The following KAT2B variants were observed in gnomAD, a reference collection of about 807,000 sequenced individuals.
KAT2B encodes the protein lysine acetyltransferase 2B, also known as histone acetyltransferase KAT2B.
Under a neutral mutation model 105.9 loss-of-function variants are expected in KAT2B, and 36 were observed. The ratio of observed to expected loss-of-function variants is 0.34; its 90% CI spans 0.26 to 0.45. KAT2B has a LOEUF of 0.45. KAT2B is among the 20% of genes least tolerant of loss of function. The pLI is 1.00. For missense variants in KAT2B, 820 were observed against 1,021.6 expected, an observed-to-expected ratio of 0.80 and a Z score of 2.69; for synonymous variants, 397 against 377.9, an observed-to-expected ratio of 1.05 and a Z score of -0.59.
At chr3:20,058,430 G>A (rs1027798879) in intron 1 of KAT2B, among the ~76,000 whole-genome samples, 8 of 146,736 alleles carry the variant, frequency 5.5e-5, no homozygotes, top group African/African-American at 2.0e-4. Flanking sequence ...ACCGTAGCCT[G>A]GGCAACGAGC....
chr3:20,097,239 T>A (rs1261566081), intron 3 of KAT2B, among the ~76,000 whole-genome samples: 1 of 152,212 alleles, frequency 6.6e-6, no homozygotes, highest in African/African-American at 2.4e-5. Flanking sequence ...CTGTTGGAAG[T>A]GAAGGTGGTG....
At chr3:20,132,397 A>G (rs1239458436) in intron 11 of KAT2B, among the ~76,000 whole-genome samples, 1 of 152,202 alleles carries the variant, frequency 6.6e-6, no homozygotes, top group Non-Finnish European at 1.5e-5. Context: ...ATTGAATTTG[A>G]TATTATATAC....
At position 20,096,949 on chromosome 3, in the gene KAT2B, A is replaced by AAGAG. The variant is rs3062235; in HGVS notation, c.576+1561_576+1564dup. ...ATTAACTTTAAAAAGAATAATAGGA[A>AAGAG]AGAGAGAGAGAGAGAGAGAGAGAAA... is the stretch of plus-strand genomic sequence containing the variant. On this transcript the variant is annotated intron_variant, in intron 3 of 17. Transcript: ENST00000263754. Among the ~76,000 whole-genome samples, 1,498 of 150,280 alleles carry AAGAG rather than the reference A, an allele frequency of 1.0e-2. 15 individuals are homozygous for AAGAG. Among genetic ancestry groups the AAGAG allele is most frequent in the Non-Finnish European group, 0.016 (1,078 of 67,628 alleles).
intron 14 of KAT2B, among the ~76,000 whole-genome samples, chr3:20,146,940 A>G (rs1487543612): frequency 6.6e-6 from 1 of 152,114 alleles, no homozygotes; most frequent in Non-Finnish European, 1.5e-5. Context: ...AAAAAATACT[A>G]TTTGTTATGT....
rs115526092 is a variant in KAT2B, at chr3:20,061,539, T to G, written c.304-10794T>G. 3.8e-3 allele frequency among the ~76,000 whole-genome samples: 579 copies of G among 152,080 alleles called. 5 individuals carry two copies. The highest frequency in any genetic ancestry group is 0.013 in the African/African-American group (555 of 41,506). Reference sequence around the variant, plus strand: ...ATATAGTAATTCCATTTCTAATATTTTGAGGAACTGTCATACTGTTTTCCA... The same window carrying G: ...ATATAGTAATTCCATTTCTAATATTGTGAGGAACTGTCATACTGTTTTCCA... On this transcript the variant is annotated intron_variant, in intron 1 of 17. Coordinates refer to ENST00000263754, the MANE Select transcript of KAT2B (RefSeq NM_003884.5).
intron 15 of KAT2B, 75 bp downstream of exon 15, chr3:20,148,074 G>A (rs1699808672): frequency 3.4e-6 from 5 of 1,486,932 alleles, no homozygotes; most frequent in African/African-American, 2.8e-5. Context: ...AAAGAAAAAC[G>A]GCAAACTAAT....
chr3:20,126,474 A>G (rs972088688), intron 10 of KAT2B, among the ~76,000 whole-genome samples: 5 of 151,948 alleles, frequency 3.3e-5, no homozygotes, highest in Admixed American at 3.3e-4. Flanking sequence ...GTCTGTGGGC[A>G]ATTATTGGGA....
Position 20,137,015 on chromosome 3 carries a change from A to C in KAT2B, c.1823A>C (p.Tyr608Ser). ...IKHDILNFLT[Y>S]ADEYAIGYFK... ...CATGACATCCTGAACTTCCTCACATATGCAGATGAATATGCAATTGGATAC... is the reference window on the plus strand; with the variant it reads ...CATGACATCCTGAACTTCCTCACATCTGCAGATGAATATGCAATTGGATAC... The change falls in exon 12 of 18, where the codon TAT becomes TCT. Residue 608 changes from tyrosine to serine, a missense_variant. Tyr to Ser is a moderately radical substitution (Grantham distance 144). Transcript: ENST00000263754. 1 of 1,603,956 alleles carries C rather than the reference A, an allele frequency of 6.2e-7. No homozygotes were observed. The highest frequency in any genetic ancestry group is 8.5e-7 in the Non-Finnish European group (1 of 1,170,842).
chr3:20,056,699 C>T (rs1280377105), intron 1 of KAT2B, among the ~76,000 whole-genome samples: 2 of 152,126 alleles, frequency 1.3e-5, no homozygotes, highest in Non-Finnish European at 2.9e-5. Flanking sequence ...TCTTGAATTT[C>T]AGGTAGAAAA....
chr3:20,135,665 AAT>A (rs1198467337), intron 11 of KAT2B, among the ~76,000 whole-genome samples: 25 of 150,128 alleles, frequency 1.7e-4, no homozygotes, highest in African/African-American at 5.4e-4. Context: ...AAAAAAAAAA[AAT>A]AAAAACCAAA....
chr3:20,084,534 T>C (rs923947870), intron 2 of KAT2B, among the ~76,000 whole-genome samples: 10 of 152,134 alleles, frequency 6.6e-5, no homozygotes, highest in Non-Finnish European at 1.2e-4. Flanking sequence ...TTGGGTTTCA[T>C]ACAGAGCTCT....
At chr3:20,098,995 G>A (rs1300108996) in intron 3 of KAT2B, among the ~76,000 whole-genome samples, 1 of 152,150 alleles carries the variant, frequency 6.6e-6, no homozygotes, top group African/African-American at 2.4e-5. Flanking sequence ...AGGGAAAGAT[G>A]TTACTTAAAT....
chr3:20,076,774 G>A (rs992031291), intron 2 of KAT2B, among the ~76,000 whole-genome samples: 4 of 152,086 alleles, frequency 2.6e-5, no homozygotes, highest in Admixed American at 6.6e-5. Context: ...TTGGGGTCTA[G>A]GGAATTCTGT....
intron 2 of KAT2B, among the ~76,000 whole-genome samples, chr3:20,079,600 T>G (rs1375242830): frequency 1.3e-5 from 2 of 152,170 alleles, no homozygotes; most frequent in Non-Finnish European, 2.9e-5. Flanking sequence ...TACCAGTATT[T>G]TTCTCATGGA....
intron 5 of KAT2B, among the ~76,000 whole-genome samples, chr3:20,107,000 T>C (rs1449740130): frequency 7.1e-5 from 3 of 42,064 alleles, no homozygotes; most frequent in Non-Finnish European, 1.3e-4. Flanking sequence ...TATATATATA[T>C]ATATATATAT....
intron 1 of KAT2B, among the ~76,000 whole-genome samples, chr3:20,047,073 G>GCC (rs112448267): frequency 2.3e-4 from 35 of 149,914 alleles, no homozygotes; most frequent in South Asian, 8.5e-4. Context: ...TTTTTGTTTT[G>GCC]CCCCCCCCTT....
At position 20,096,372 on chromosome 3, in the gene KAT2B, G is replaced by A. The variant is rs540773547; in HGVS notation, c.576+964G>A. On this transcript the variant is annotated intron_variant, in intron 3 of 17. Coordinates refer to ENST00000263754, the MANE Select transcript of KAT2B (RefSeq NM_003884.5). Reference sequence around the variant, plus strand: ...GCTTCTGATTAGAGCCAGGACTAACGATGTGGGAAGGAAACTGGTGGTGGA... The same window carrying A: ...GCTTCTGATTAGAGCCAGGACTAACAATGTGGGAAGGAAACTGGTGGTGGA... Among the ~76,000 whole-genome samples, 4 of 152,174 alleles carry A rather than the reference G, an allele frequency of 2.6e-5. No homozygotes were observed. In the East Asian group the frequency reaches 7.7e-4, roughly 29 times the overall value.
chr3:20,142,711 T>C (rs968765481), intron 13 of KAT2B, among the ~76,000 whole-genome samples: 1 of 149,072 alleles, frequency 6.7e-6, no homozygotes, highest in Admixed American at 6.7e-5. Flanking sequence ...GTGGGACATT[T>C]GTTTTGAACT....
chr3:20,149,495 CAAAAAA>C lies in KAT2B; in HGVS notation c.2305+1028_2305+1033del, dbSNP rs56091316. ...TGGGCACTGGAGGGAGACCGTATCT[CAAAAAA>C]AAAAAAAAAAAAAAAAAAATTGTGG... On this transcript the variant is annotated intron_variant, in intron 17 of 17. Coordinates refer to ENST00000263754, the MANE Select transcript of KAT2B (RefSeq NM_003884.5). Among the ~76,000 whole-genome samples the C allele has an allele frequency of 9.9e-4, 42 of 42,438 alleles. 1 individual carries two copies. The highest frequency in any genetic ancestry group is 9.3e-3 in the South Asian group (6 of 644). The allele number at this position is 42,438 out of a possible 152,430, so 27.8% of individuals were successfully genotyped here.
Sources: allele counts gnomAD v4.1 joint callset (sites outside exome capture counted in the v4.1 genomes callset), GRCh38; gene constraint gnomAD v4.1.1; transcripts MANE v1.5; gene names NCBI Gene and HGNC (gene_info 2026-07-23, HGNC 2026-07-21).